Variants in PCDH7 observed in about 807,000 individuals in gnomAD.
PCDH7 encodes the protein protocadherin 7.
A neutral mutation model predicts 58.9 loss-of-function variants in PCDH7; 17 were observed. The observed-to-expected ratio is 0.29, with a 90% CI of 0.20 to 0.43. The LOEUF (loss-of-function observed/expected upper bound fraction) is 0.43. Among genes scored for constraint, PCDH7 ranks in the 20% least tolerant of loss-of-function variants. PCDH7 has a pLI of 1.00. For synonymous variants in PCDH7, 664 were observed against 616.4 expected (o/e 1.08, Z -1.14); for missense variants, 1,274 against 1,441.0 (o/e 0.88, Z 1.88).
intron 1 of PCDH7, among the ~76,000 whole-genome samples, chr4:30,824,107 CTTTCTTTCT>C (rs1728754851): frequency 7.3e-6 from 1 of 136,738 alleles, no homozygotes; most frequent in South Asian, 2.6e-4. Flanking sequence ...TTCTTTCTTT[CTTTCTTTCT>C]TTCTTTCTTT....
chr4:30,991,348 C>T (rs1263875420), intron 3 of PCDH7, among the ~76,000 whole-genome samples: 1 of 152,124 alleles, frequency 6.6e-6, no homozygotes, highest in African/African-American at 2.4e-5. Context: ...GTGAAAATGA[C>T]AAACAGTTCA....
intron 2 of PCDH7, among the ~76,000 whole-genome samples, chr4:30,931,562 G>A (rs1035188218): frequency 4.6e-5 from 7 of 151,828 alleles, no homozygotes; most frequent in Non-Finnish European, 7.4e-5. Context: ...CAACGAGAGC[G>A]AAACTCCATC....
At chr4:31,036,925 C>T (rs1024161292) in intron 3 of PCDH7, among the ~76,000 whole-genome samples, 1 of 152,108 alleles carries the variant, frequency 6.6e-6, no homozygotes. Flanking sequence ...CTGGGAAACT[C>T]CCCTTTATAA....
chr4:31,018,566 C>A (rs948660971), intron 3 of PCDH7, among the ~76,000 whole-genome samples: 1 of 152,128 alleles, frequency 6.6e-6, no homozygotes, highest in Non-Finnish European at 1.5e-5. Flanking sequence ...AGGCTATTCC[C>A]ATTTTATTCT....
intron 1 of PCDH7, chr4:30,776,338 G>A (rs1277027967): frequency 6.6e-6 from 1 of 152,172 alleles, no homozygotes; most frequent in Non-Finnish European, 1.5e-5. Context: ...TAGTCTATAA[G>A]TATGTTTGTT....
At chr4:31,120,756 C>T (rs529589002) in intron 3 of PCDH7, among the ~76,000 whole-genome samples, 86 of 152,028 alleles carry the variant, frequency 5.7e-4, no homozygotes, top group Non-Finnish European at 1.1e-3. Flanking sequence ...ATGGTTACTC[C>T]GGGGGCCCTA....
intron 1 of PCDH7, among the ~76,000 whole-genome samples, chr4:30,875,413 TATGG>T (rs541540992): frequency 2.0e-5 from 3 of 152,174 alleles, no homozygotes; most frequent in African/African-American, 7.2e-5. Flanking sequence ...GACTTTCACG[TATGG>T]ATTTTGGGGA....
At chr4:31,017,460 C>A (rs1753706952) in intron 3 of PCDH7, among the ~76,000 whole-genome samples, 1 of 151,984 alleles carries the variant, frequency 6.6e-6, no homozygotes, top group South Asian at 2.1e-4. Flanking sequence ...GCACATAATG[C>A]CTAACAGACT....
chr4:30,858,361 T>G lies in PCDH7; in HGVS notation c.71-61792T>G, dbSNP rs145555501. ...CATCCTTACGGATTTGTGAAATCTC[T>G]TTATCTATTTGGGTATTCACTGTGA... On this transcript the variant is annotated intron_variant, in intron 1 of 3. Transcript: ENST00000509759. Among the ~76,000 whole-genome samples, 252 of 152,292 alleles carry G rather than the reference T, an allele frequency of 1.7e-3. 1 individual carries two copies. The highest frequency in any genetic ancestry group is 2.8e-3 in the Non-Finnish European group (193 of 68,006).
intron 2 of PCDH7, among the ~76,000 whole-genome samples, chr4:30,938,275 T>C (rs999213100): frequency 1.3e-5 from 2 of 152,156 alleles, no homozygotes; most frequent in South Asian, 4.1e-4. Context: ...TTTTTGTACT[T>C]CATTTAGCTA....
intron 1 of PCDH7, among the ~76,000 whole-genome samples, chr4:30,915,982 T>A (rs1742421541): frequency 6.6e-6 from 1 of 152,206 alleles, no homozygotes; most frequent in African/African-American, 2.4e-5. Flanking sequence ...TGTTACAGCA[T>A]GTTGTTTATG....
intron 1 of PCDH7, among the ~76,000 whole-genome samples, chr4:30,740,069 T>C (rs1036070274): frequency 6.6e-6 from 1 of 152,196 alleles, no homozygotes; most frequent in Non-Finnish European, 1.5e-5. Context: ...TTCGAAGCAA[T>C]GTGCAGCAGC....
chr4:30,911,179 G>A (rs775108765), intron 1 of PCDH7, among the ~76,000 whole-genome samples: 4 of 152,046 alleles, frequency 2.6e-5, no homozygotes, highest in Non-Finnish European at 4.4e-5. Flanking sequence ...GGCAAGGGGA[G>A]GGAGAGCATT....
intron 3 of PCDH7, among the ~76,000 whole-genome samples, chr4:31,089,543 C>T (rs1338610561): frequency 1.3e-5 from 2 of 152,008 alleles, no homozygotes; most frequent in East Asian, 3.9e-4. Flanking sequence ...ATATTAGATG[C>T]TGTTTATATA....
At chr4:30,966,031 G>T (rs1283502325) in intron 3 of PCDH7, among the ~76,000 whole-genome samples, 4 of 152,022 alleles carry the variant, frequency 2.6e-5, no homozygotes, top group Non-Finnish European at 4.4e-5. Flanking sequence ...TAGATAACCT[G>T]GCCTTGTTAA....
chr4:30,904,089 A>G (rs555626740), intron 1 of PCDH7, among the ~76,000 whole-genome samples: 5 of 152,204 alleles, frequency 3.3e-5, no homozygotes, highest in Admixed American at 6.5e-5. Context: ...TTTCATAAGT[A>G]TGAAACCCAA....
At chr4:30,968,607 C>G (rs1375932783) in intron 3 of PCDH7, among the ~76,000 whole-genome samples, 1 of 151,676 alleles carries the variant, frequency 6.6e-6, no homozygotes, top group Non-Finnish European at 1.5e-5. Context: ...AAATAACTTT[C>G]TAATATTTTA....
intron 1 of PCDH7, among the ~76,000 whole-genome samples, chr4:30,819,558 A>C (rs1439286772): frequency 6.6e-6 from 1 of 152,192 alleles, no homozygotes; most frequent in East Asian, 1.9e-4. Context: ...TGCTAAGGAC[A>C]AATTAAATGA....
intron 1 of PCDH7, among the ~76,000 whole-genome samples, chr4:30,888,335 A>G (rs533064270): frequency 6.6e-6 from 1 of 152,280 alleles, no homozygotes; most frequent in South Asian, 2.1e-4. Context: ...TTCACATAAT[A>G]GAAGGGCAGG....
Sources: gnomAD v4.1 joint callset for allele counts (sites outside exome capture counted in the v4.1 genomes callset) on GRCh38, gnomAD v4.1.1 for gene constraint, MANE v1.5 for transcripts, NCBI Gene and HGNC (gene_info 2026-07-23, HGNC 2026-07-21) for gene names.